AGPAT4: variants seen among roughly 807,000 people sequenced by gnomAD.
AGPAT4 encodes 1-acyl-sn-glycerol-3-phosphate acyltransferase delta.
A neutral mutation model predicts 48.0 loss-of-function variants in AGPAT4; 15 were observed. The observed-to-expected ratio is 0.31, with a 90% confidence interval of 0.21 to 0.48. The LOEUF is 0.48. AGPAT4 is among the 20% of genes least tolerant of loss of function. AGPAT4 has a pLI of 0.99. For missense variants in AGPAT4, 314 were observed against 482.5 expected, an observed-to-expected ratio of 0.65 and a Z score of 3.27; for synonymous variants, 178 against 198.7, an observed-to-expected ratio of 0.90 and a Z score of 0.88.
rs1370858589 is a variant in AGPAT4, at chr6:161,133,885, C to T, written c.*2655G>A. ...GGGGACAAAAAGATGGCTTAGGCTC[C>T]GTGGGTTTTCAACTCGTAGAAAAAA... On this transcript the variant is annotated 3_prime_UTR_variant, in exon 9 of 9. Transcript: ENST00000320285. 4 of 152,138 alleles carry T rather than the reference C, an allele frequency of 2.6e-5. No homozygotes were observed. Among genetic ancestry groups the T allele is most frequent in the Admixed American group, 6.6e-5 (1 of 15,248 alleles). 9.4% of individuals were successfully genotyped at this position (152,138 alleles called of 1,614,324 possible).
intron 1 of AGPAT4, among the ~76,000 whole-genome samples, chr6:161,258,575 G>T (rs937510686): frequency 1.3e-5 from 2 of 152,042 alleles, no homozygotes; most frequent in African/African-American, 4.8e-5. Flanking sequence ...TAGAAAACAG[G>T]AGAGTTCTCT....
At position 161,270,986 on chromosome 6, in the gene AGPAT4, TA is replaced by T. The variant is rs1206726414; in HGVS notation, c.-90+2951del. Among the ~76,000 whole-genome samples, 1 of 152,212 alleles carries T rather than the reference TA, an allele frequency of 6.6e-6. No individual in the cohort carries two copies. The highest frequency in any genetic ancestry group is 1.5e-5 in the Non-Finnish European group (1 of 68,040). Reference sequence around the variant, plus strand: ...CGTCTTCCCCAGTTTCATACCTGTTTAAAGTCTAGTGTAAGTCTGGCCTTTC... The same window carrying T: ...CGTCTTCCCCAGTTTCATACCTGTTTAAGTCTAGTGTAAGTCTGGCCTTTC... On this transcript the variant is annotated intron_variant, in intron 1 of 8. Coordinates refer to ENST00000320285, the MANE Select transcript of AGPAT4 (RefSeq NM_020133.3). The surrounding 1 kb of genome is among the most constrained non-coding windows in gnomAD (Gnocchi z 5.3).
intron 2 of AGPAT4, among the ~76,000 whole-genome samples, chr6:161,193,694 T>C (rs568250902): frequency 6.6e-6 from 1 of 152,360 alleles, no homozygotes; most frequent in South Asian, 2.1e-4. Context: ...GACTCTGGGC[T>C]TTGACGTCTG....
At position 161,249,988 on chromosome 6, in the gene AGPAT4, T is replaced by G. The variant is rs1045731722; in HGVS notation, c.-89-17686A>C. Among the ~76,000 whole-genome samples, 2 of 152,226 alleles carry G rather than the reference T, an allele frequency of 1.3e-5. No individual in the cohort carries two copies. Among genetic ancestry groups the G allele is most frequent in the Admixed American group, 6.5e-5 (1 of 15,284 alleles). ...GACTGGATAAAGGAAATGTGGTACA[T>G]ATATACTGTGGAATATTATGCAACT... On this transcript the variant is annotated intron_variant, in intron 1 of 8. Coordinates refer to ENST00000320285, the MANE Select transcript of AGPAT4 (RefSeq NM_020133.3). The surrounding 1 kb of genome is among the most constrained non-coding windows in gnomAD (Gnocchi z 6.2).
intron 2 of AGPAT4, among the ~76,000 whole-genome samples, chr6:161,192,210 G>C (rs944752437): frequency 2.1e-5 from 3 of 140,006 alleles, no homozygotes; most frequent in African/African-American, 5.5e-5. Flanking sequence ...GAGTGCAGTG[G>C]CACAATCTCA....
rs1464089940 is a variant in AGPAT4 at position 161,137,417 on chromosome 6, G to T, written c.1043-783C>A. 6.6e-6 allele frequency among the ~76,000 whole-genome samples: 1 copy of T among 152,184 alleles called. No individual in the cohort carries two copies. Among genetic ancestry groups the T allele is most frequent in the Non-Finnish European group, 1.5e-5 (1 of 68,026 alleles). ...GAAATCCCCCAAATCATGATGCACAGGATTATCTAGCATTAGCATCGCGGT... is the reference window on the plus strand; with the variant it reads ...GAAATCCCCCAAATCATGATGCACATGATTATCTAGCATTAGCATCGCGGT... On this transcript the variant is annotated intron_variant, in intron 8 of 8. Coordinates refer to ENST00000320285, the MANE Select transcript of AGPAT4 (RefSeq NM_020133.3). The surrounding 1 kb of genome is among the most constrained non-coding windows in gnomAD (Gnocchi z 6.1).
In AGPAT4 at chr6:161,231,618, C is replaced by T. The variant is rs550389641; in HGVS notation, c.178+418G>A. ...AGGAAGAAAACAATATAGTATACTG[C>T]CACTTAGTTTTTTAAAAAAAAATAC... On this transcript the variant is annotated intron_variant, in intron 2 of 8. Transcript: ENST00000320285. The surrounding 1 kb of genome is among the most constrained non-coding windows in gnomAD (Gnocchi z 5.3). 2.7e-4 allele frequency among the ~76,000 whole-genome samples: 41 copies of T among 152,014 alleles called. No individual in the cohort carries two copies. Among genetic ancestry groups the T allele is most frequent in the Admixed American group, 5.2e-4 (8 of 15,270 alleles).
chr6:161,140,391 C>T lies in AGPAT4; in HGVS notation c.844-771G>A, dbSNP rs116341006. 0.017 allele frequency among the ~76,000 whole-genome samples: 2,591 copies of T among 152,322 alleles called. 62 individuals are homozygous for T. Among genetic ancestry groups the T allele is most frequent in the African/African-American group, 0.059 (2,434 of 41,558 alleles). On this transcript the variant is annotated intron_variant, in intron 7 of 8. Coordinates refer to ENST00000320285, the MANE Select transcript of AGPAT4 (RefSeq NM_020133.3). This position sits in a 1 kb window ranked among gnomAD's most constrained non-coding sequence, Gnocchi z 6.5. ...AACCATGTACTCATCCACATCCACC[C>T]ACAGGGTGTGTGTGTCACCGAGCAG... is the stretch of plus-strand genomic sequence containing the variant.
At position 161,159,370 on chromosome 6, in the gene AGPAT4, T is replaced by C. The variant is rs975343618; in HGVS notation, c.349-5060A>G. Among the ~76,000 whole-genome samples the C allele has an allele frequency of 6.6e-6, 1 of 152,204 alleles. No homozygotes were observed. Among genetic ancestry groups the C allele is most frequent in the Non-Finnish European group, 1.5e-5 (1 of 68,036 alleles). On this transcript the variant is annotated intron_variant, in intron 3 of 8. Coordinates refer to ENST00000320285, the MANE Select transcript of AGPAT4 (RefSeq NM_020133.3). This position sits in a 1 kb window ranked among gnomAD's most constrained non-coding sequence, Gnocchi z 4.1. ...GAACTCAATGCTGGTTATGATTACC[T>C]GTGGCCTTGAGGTGCCCAGAGTCTA...
chr6:161,219,946 G>GCAGGCAGACAGACAGACAGA lies in AGPAT4; in HGVS notation c.178+12089_178+12090insTCTGTCTGTCTGTCTGCCTG, dbSNP rs1247603859. Among the ~76,000 whole-genome samples the GCAGGCAGACAGACAGACAGA allele has an allele frequency of 1.6e-4, 23 of 143,838 alleles. No individual in the cohort carries two copies. Among genetic ancestry groups the GCAGGCAGACAGACAGACAGA allele is most frequent in the African/African-American group, 6.3e-4 (23 of 36,496 alleles). 94.4% of individuals were successfully genotyped at this position (143,838 alleles called of 152,430 possible). ...GGCAGGCAGGCAGGCAGGCAGGCAG[G>GCAGGCAGACAGACAGACAGA]CAGACAGACAGACAGACAGACAGGC... On this transcript the variant is annotated intron_variant, in intron 2 of 8. Coordinates refer to ENST00000320285, the MANE Select transcript of AGPAT4 (RefSeq NM_020133.3). The surrounding 1 kb of genome is among the most constrained non-coding windows in gnomAD (Gnocchi z 4.9).
In AGPAT4 at chr6:161,206,101, C is replaced by G. The variant is rs1583328748; in HGVS notation, c.178+25935G>C. On this transcript the variant is annotated intron_variant, in intron 2 of 8. Transcript: ENST00000320285. This position sits in a 1 kb window ranked among gnomAD's most constrained non-coding sequence, Gnocchi z 4.8. ...AAAAAAGCCCCAAGAAAAGCCTGCT[C>G]CCTCCAGCTAAAGGATCAGGGAAGT... Among the ~76,000 whole-genome samples, 1 of 152,182 alleles carries G rather than the reference C, an allele frequency of 6.6e-6. No individual in the cohort carries two copies. The highest frequency in any genetic ancestry group is 1.9e-4 in the East Asian group (1 of 5,166).
intron 1 of AGPAT4, among the ~76,000 whole-genome samples, chr6:161,237,122 ATC>A (rs1221045822): frequency 6.6e-6 from 1 of 152,260 alleles, no homozygotes; most frequent in Admixed American, 6.5e-5. Context: ...CTCAATATGC[ATC>A]ACCTGAAAAT....
Position 161,242,558 on chromosome 6 carries a change from G to A in AGPAT4, c.-89-10256C>T, listed in dbSNP as rs1782523413. Among the ~76,000 whole-genome samples, 1 of 152,130 alleles carries A rather than the reference G, an allele frequency of 6.6e-6. No individual in the cohort carries two copies. The highest frequency in any genetic ancestry group is 2.4e-5 in the African/African-American group (1 of 41,422). On this transcript the variant is annotated intron_variant, in intron 1 of 8. Coordinates refer to ENST00000320285, the MANE Select transcript of AGPAT4 (RefSeq NM_020133.3). This position sits in a 1 kb window ranked among gnomAD's most constrained non-coding sequence, Gnocchi z 5.0. Reference sequence around the variant, plus strand: ...CTCAGAGTAGGTACACATTCTGAGGGTGCCAGCTGGCTAGATGCATTTCCA... The same window carrying A: ...CTCAGAGTAGGTACACATTCTGAGGATGCCAGCTGGCTAGATGCATTTCCA...
At chr6:161,187,260 G>A (rs17626731) in intron 2 of AGPAT4, among the ~76,000 whole-genome samples, 9,100 of 152,210 alleles carry the variant, frequency 0.06, 374 homozygotes, top group Non-Finnish European at 0.078. Context: ...TCACAGGCAC[G>A]TTTTGTCTTG....
rs1782112859 is a variant in AGPAT4, at chr6:161,231,158, A to C, written c.178+878T>G. Among the ~76,000 whole-genome samples the C allele has an allele frequency of 6.6e-6, 1 of 152,214 alleles. No individual in the cohort carries two copies. The highest frequency in any genetic ancestry group is 2.4e-5 in the African/African-American group (1 of 41,460). On this transcript the variant is annotated intron_variant, in intron 2 of 8. Coordinates refer to ENST00000320285, the MANE Select transcript of AGPAT4 (RefSeq NM_020133.3). The surrounding 1 kb of genome is among the most constrained non-coding windows in gnomAD (Gnocchi z 5.3). ...ATTTTTAAAAAGCACATATTTTGAA[A>C]TATATTCATACCCACATATATATAT...
rs1036353420 is a variant in AGPAT4, at chr6:161,171,406, A to G, written c.179-4989T>C. Among the ~76,000 whole-genome samples, 5 of 152,232 alleles carry G rather than the reference A, an allele frequency of 3.3e-5. No individual in the cohort carries two copies. The highest frequency in any genetic ancestry group is 7.3e-5 in the Non-Finnish European group (5 of 68,036). ...GGTCCTTCTTGCTGTGTCATCCCAT[A>G]GGGGAAGGCAGAAGGCAGAAGGGCA... On this transcript the variant is annotated intron_variant, in intron 2 of 8. Transcript: ENST00000320285. The surrounding 1 kb of genome is among the most constrained non-coding windows in gnomAD (Gnocchi z 4.4).
Position 161,200,813 on chromosome 6 carries a change from A to G in AGPAT4, c.178+31223T>C, listed in dbSNP as rs1398836884. On this transcript the variant is annotated intron_variant, in intron 2 of 8. Coordinates refer to ENST00000320285, the MANE Select transcript of AGPAT4 (RefSeq NM_020133.3). The surrounding 1 kb of genome is among the most constrained non-coding windows in gnomAD (Gnocchi z 5.5). The stretch of plus-strand genomic sequence containing the variant: ...GATGGCTCTTGTCTCTGAGAAGGTT[A>G]TTCTATTTGGCCACAATTTCTGATC... Among the ~76,000 whole-genome samples, 5 of 152,136 alleles carry G rather than the reference A, an allele frequency of 3.3e-5. No individual in the cohort carries two copies. The highest frequency in any genetic ancestry group is 7.4e-5 in the Non-Finnish European group (5 of 68,026).
Position 161,132,476 on chromosome 6 carries a change from C to T in AGPAT4, c.*4064G>A, listed in dbSNP as rs1258003560. The T allele has an allele frequency of 6.6e-6, 1 of 152,380 alleles. No individual in the cohort carries two copies. The highest frequency in any genetic ancestry group is 1.5e-5 in the Non-Finnish European group (1 of 68,156). The allele number at this position is 152,380 out of a possible 1,614,324, so 9.4% of individuals were successfully genotyped here. ...ATGTGGTGCACCTGCAGATGCCGCA[C>T]TCAGCAGCCTGGAATGCCAGCTCTC... On this transcript the variant is annotated 3_prime_UTR_variant, in exon 9 of 9. Transcript: ENST00000320285.
rs761477658 is a variant in AGPAT4 at position 161,235,441 on chromosome 6, T to G, written c.-89-3139A>C. On this transcript the variant is annotated intron_variant, in intron 1 of 8. Coordinates refer to ENST00000320285, the MANE Select transcript of AGPAT4 (RefSeq NM_020133.3). The surrounding 1 kb of genome is among the most constrained non-coding windows in gnomAD (Gnocchi z 6.2). ...TTAAAAGAAACGTGGCTGAATTATGTAGGGGTGTGTCTGGAGGACAAATGT... is the reference window on the plus strand; with the variant it reads ...TTAAAAGAAACGTGGCTGAATTATGGAGGGGTGTGTCTGGAGGACAAATGT... Among the ~76,000 whole-genome samples, 1 of 152,156 alleles carries G rather than the reference T, an allele frequency of 6.6e-6. No individual in the cohort carries two copies. The highest frequency in any genetic ancestry group is 1.5e-5 in the Non-Finnish European group (1 of 68,024).
Sources: allele counts gnomAD v4.1 joint callset (sites outside exome capture counted in the v4.1 genomes callset), GRCh38; gene constraint gnomAD v4.1.1; non-coding constraint Gnocchi (gnomAD v3.1); transcripts MANE v1.5; gene names NCBI Gene and HGNC (gene_info 2026-07-23, HGNC 2026-07-21).